Variants in RBFOX1 observed in about 807,000 individuals in gnomAD.
RBFOX1 encodes the protein RNA binding fox-1 homolog 1, also known as RNA binding protein fox-1 homolog 1.
RBFOX1 carries 8 observed loss-of-function variants against 57.7 expected under a neutral mutation model. That is an observed-to-expected ratio of 0.14 (90% confidence interval 0.08 to 0.25). RBFOX1 has a LOEUF of 0.25. RBFOX1 is among the 10% of genes least tolerant of loss of function. The pLI is 1.00. For synonymous variants in RBFOX1, 326 were observed against 222.4 expected, an observed-to-expected ratio of 1.47 and a Z score of -4.15; for missense variants, 611 against 548.5, an observed-to-expected ratio of 1.11 and a Z score of -1.14.
At chr16:7,083,235 A>G (rs1362891534) in intron 4 of RBFOX1, among the ~76,000 whole-genome samples, 1 of 152,048 alleles carries the variant, frequency 6.6e-6, no homozygotes, top group Non-Finnish European at 1.5e-5. Flanking sequence ...TGGACTCCAG[A>G]GTACAGGGAT....
chr16:6,079,769 C>T (rs992230176), intron 1 of RBFOX1, among the ~76,000 whole-genome samples: 2 of 151,948 alleles, frequency 1.3e-5, no homozygotes, highest in African/African-American at 4.8e-5. Flanking sequence ...TGAGCAGTTG[C>T]AGGCTCGTTG....
In RBFOX1 at chr16:7,086,727, C is replaced by CACACACACACACAG. The variant is rs1488264684; in HGVS notation, c.27+34642_27+34643insGACACACACACACA. Among the ~76,000 whole-genome samples the CACACACACACACAG allele has an allele frequency of 2.9e-4, 44 of 152,144 alleles. 1 individual carries two copies. The Middle Eastern group carries it at 0.01, about 35-fold the overall frequency. The stretch of plus-strand genomic sequence containing the variant: ...AGAGGGAGGGAAGAATGTATACACA[C>CACACACACACACAG]ACACACACACACACTTTAAAATTTG... On this transcript the variant is annotated intron_variant, in intron 4 of 15. Coordinates refer to ENST00000550418, the MANE Select transcript of RBFOX1 (RefSeq NM_018723.4).
chr16:6,110,195 C>CTTTTTTTTTTTTTTTTTTTTTTTCTT (rs3049169), intron 1 of RBFOX1, among the ~76,000 whole-genome samples: 1 of 128,262 alleles, frequency 7.8e-6, no homozygotes, highest in Non-Finnish European at 1.6e-5. Flanking sequence ...TTTTCTTCTT[C>CTTTTTTTTTTTTTTTTTTTTTTTCTT]TTTTTTTTTT....
chr16:7,302,472 C>G (rs1430876865), intron 4 of RBFOX1, among the ~76,000 whole-genome samples: 1 of 152,002 alleles, frequency 6.6e-6, no homozygotes. Context: ...TGGCCAGTTC[C>G]AGGGTTCTGC....
chr16:6,927,414 CAAAAAAA>C lies in RBFOX1; in HGVS notation c.-15-124624_-15-124618del, dbSNP rs1194663760. 4.1e-4 allele frequency among the ~76,000 whole-genome samples: 22 copies of C among 53,154 alleles called. 1 individual carries two copies. The highest frequency in any genetic ancestry group is 1.2e-3 in the African/African-American group (11 of 9,278). The allele number at this position is 53,154 out of a possible 152,430, so 34.9% of individuals were successfully genotyped here. On this transcript the variant is annotated intron_variant, in intron 3 of 15. Coordinates refer to ENST00000550418, the MANE Select transcript of RBFOX1 (RefSeq NM_018723.4). Reference sequence around the variant, plus strand: ...GGCAACAGAGTGAGACGCTTTCTCACAAAAAAAAAAAAAAAAAAAAAAAAATCCGAAC... The same window carrying C: ...GGCAACAGAGTGAGACGCTTTCTCACAAAAAAAAAAAAAAAAAATCCGAAC...
intron 1 of RBFOX1, among the ~76,000 whole-genome samples, chr16:6,086,498 GCC>G (rs2096086336): frequency 1.7e-5 from 2 of 115,288 alleles, no homozygotes; most frequent in Non-Finnish European, 4.3e-5. Context: ...GTTCATTGAG[GCC>G]TGAGTGTTCT....
At chr16:6,429,923 A>G (rs1181745111) in intron 2 of RBFOX1, among the ~76,000 whole-genome samples, 1 of 151,998 alleles carries the variant, frequency 6.6e-6, no homozygotes, top group Non-Finnish European at 1.5e-5. Flanking sequence ...AGTCTGACCA[A>G]CATAGTGAAA....
chr16:6,110,461 A>G (rs1463292455), intron 1 of RBFOX1, among the ~76,000 whole-genome samples: 3 of 152,310 alleles, frequency 2.0e-5, no homozygotes, highest in South Asian at 2.1e-4. Context: ...AACACAATTG[A>G]TACCTAAGTA....
chr16:5,826,271 C>A (rs950606820), intron 3 of RBFOX1, among the ~76,000 whole-genome samples: 1 of 151,868 alleles, frequency 6.6e-6, no homozygotes, highest in Non-Finnish European at 1.5e-5. Context: ...CTAACATTTA[C>A]CTGAAATATA....
At position 5,861,948 on chromosome 16, in the gene RBFOX1, A is replaced by G. The variant is rs189546946; in HGVS notation, c.319-5355A>G. Among the ~76,000 whole-genome samples, 45 of 152,276 alleles carry G rather than the reference A, an allele frequency of 3.0e-4. No individual in the cohort carries two copies. The East Asian group carries it at 8.5e-3, about 29-fold the overall frequency. On this transcript the variant is annotated intron_variant, in intron 3 of 19. Transcript: ENST00000641259. The stretch of plus-strand genomic sequence containing the variant: ...GGGGAATGGAGGAGATGCGTCTTAT[A>G]CTGTACGTGAGATTAAAGTTTTACA...
intron 4 of RBFOX1, among the ~76,000 whole-genome samples, chr16:7,476,247 A>G (rs1216051804): frequency 6.6e-6 from 1 of 152,246 alleles, no homozygotes; most frequent in East Asian, 1.9e-4. Context: ...TGCTGAAATT[A>G]CAGGCATGAG....
At chr16:5,258,629 A>G (rs1204862705) in intron 1 of RBFOX1, among the ~76,000 whole-genome samples, 1 of 152,198 alleles carries the variant, frequency 6.6e-6, no homozygotes, top group Non-Finnish European at 1.5e-5. Context: ...TTTACTTGAA[A>G]GTCTCAGGCT....
intron 4 of RBFOX1, among the ~76,000 whole-genome samples, chr16:7,177,490 A>AT (rs1008492206): frequency 4.2e-5 from 6 of 143,692 alleles, no homozygotes; most frequent in African/African-American, 1.2e-4. Context: ...TGTATCAATA[A>AT]AAAAAAAAAA....
At chr16:6,013,001 C>T (rs567077662) in intron 4 of RBFOX1, among the ~76,000 whole-genome samples, 9 of 152,252 alleles carry the variant, frequency 5.9e-5, no homozygotes, top group Admixed American at 5.2e-4. Context: ...AGATGGGAAT[C>T]AACTGCACTG....
At chr16:7,576,242 C>A (rs1015978203) in intron 5 of RBFOX1, among the ~76,000 whole-genome samples, 3 of 151,986 alleles carry the variant, frequency 2.0e-5, no homozygotes, top group Admixed American at 1.3e-4. Flanking sequence ...CCATTAATGT[C>A]CTTTGATGGA....
chr16:7,324,147 G>A (rs777655873), intron 4 of RBFOX1, among the ~76,000 whole-genome samples: 2 of 152,156 alleles, frequency 1.3e-5, no homozygotes, highest in African/African-American at 4.8e-5. Flanking sequence ...TTTGTCCGTG[G>A]TGTCCTTTTT....
At chr16:6,258,848 T>A (rs180808701) in intron 1 of RBFOX1, among the ~76,000 whole-genome samples, 1 of 152,310 alleles carries the variant, frequency 6.6e-6, no homozygotes, top group Admixed American at 6.5e-5. Context: ...ATTTCATGCC[T>A]GTATCAAAAC....
chr16:7,415,572 TG>T (rs2098470257), intron 4 of RBFOX1, among the ~76,000 whole-genome samples: 1 of 152,188 alleles, frequency 6.6e-6, no homozygotes. Context: ...CTTTGTGATT[TG>T]GGGTGACACA....
At chr16:6,503,175 T>G (rs760826579) in intron 2 of RBFOX1, among the ~76,000 whole-genome samples, 2 of 150,772 alleles carry the variant, frequency 1.3e-5, no homozygotes, top group Admixed American at 6.7e-5. Flanking sequence ...ATTTATTATA[T>G]GTGATTTTTT....
Sources: gnomAD v4.1 joint callset for allele counts (sites outside exome capture counted in the v4.1 genomes callset) on GRCh38, gnomAD v4.1.1 for gene constraint, MANE v1.5 for transcripts, NCBI Gene and HGNC (gene_info 2026-07-23, HGNC 2026-07-21) for gene names.